CCSER1: variants seen among roughly 807,000 people sequenced by gnomAD.
CCSER1 encodes coiled-coil serine rich protein 1, also known as serine-rich coiled-coil domain-containing protein 1.
A neutral mutation model predicts 82.0 loss-of-function variants in CCSER1; 41 were observed. The observed-to-expected ratio is 0.50, with a 90% CI of 0.39 to 0.65. CCSER1 has a LOEUF of 0.65. CCSER1 is among the 30% of genes least tolerant of loss of function. CCSER1 has a pLI of 0.00. For synonymous variants in CCSER1, 414 were observed against 383.9 expected, an observed-to-expected ratio of 1.08 and a Z score of -0.92; for missense variants, 1,119 against 1,064.2, an observed-to-expected ratio of 1.05 and a Z score of -0.72.
chr4:90,727,978 G>A (rs1743974038), intron 7 of CCSER1, among the ~76,000 whole-genome samples: 1 of 152,032 alleles, frequency 6.6e-6, no homozygotes, highest in African/African-American at 2.4e-5. Context: ...TTGAACTTCT[G>A]AAGACTTTTG....
At chr4:90,414,852 C>T (rs997352282) in intron 4 of CCSER1, among the ~76,000 whole-genome samples, 10 of 152,048 alleles carry the variant, frequency 6.6e-5, no homozygotes, top group Admixed American at 3.3e-4. Flanking sequence ...AGGAAAAATA[C>T]CAGCAATACA....
intron 1 of CCSER1, among the ~76,000 whole-genome samples, chr4:90,205,639 G>A (rs1441417602): frequency 1.3e-5 from 2 of 152,150 alleles, no homozygotes; most frequent in Non-Finnish European, 1.5e-5. Flanking sequence ...GTTCATCAGG[G>A]ATATTGGCCT....
chr4:90,631,672 C>G (rs1305577957), intron 6 of CCSER1, among the ~76,000 whole-genome samples: 2 of 151,980 alleles, frequency 1.3e-5, no homozygotes, highest in African/African-American at 4.8e-5. Flanking sequence ...AAAATAATTC[C>G]TTGGAAAGTT....
intron 10 of CCSER1, among the ~76,000 whole-genome samples, chr4:91,473,231 T>TAA (rs1344164274): frequency 6.6e-6 from 1 of 152,152 alleles, no homozygotes; most frequent in Admixed American, 6.6e-5. Flanking sequence ...AAAGATAACA[T>TAA]AAAAGTCCAT....
chr4:91,522,048 A>C (rs1760501688), intron 10 of CCSER1, among the ~76,000 whole-genome samples: 1 of 152,112 alleles, frequency 6.6e-6, no homozygotes, highest in Non-Finnish European at 1.5e-5. Flanking sequence ...ATCTTGAATT[A>C]ATTTTTGTAT....
intron 10 of CCSER1, among the ~76,000 whole-genome samples, chr4:91,550,383 C>T (rs1342681016): frequency 6.6e-6 from 1 of 152,148 alleles, no homozygotes; most frequent in Non-Finnish European, 1.5e-5. Context: ...TCCAGCAATT[C>T]ATCAATTACA....
chr4:90,189,408 C>G (rs1735207938), intron 1 of CCSER1, among the ~76,000 whole-genome samples: 2 of 151,910 alleles, frequency 1.3e-5, no homozygotes, highest in African/African-American at 4.8e-5. Context: ...CAGATGACCT[C>G]TCAGTGCCCC....
At chr4:90,586,254 C>A (rs993546997) in intron 5 of CCSER1, among the ~76,000 whole-genome samples, 4 of 152,136 alleles carry the variant, frequency 2.6e-5, no homozygotes, top group Non-Finnish European at 5.9e-5. Flanking sequence ...TTATACCCCC[C>A]CACCCCAGTT....
chr4:90,359,125 A>C (rs575946053), intron 3 of CCSER1, among the ~76,000 whole-genome samples: 3 of 152,298 alleles, frequency 2.0e-5, no homozygotes, highest in Admixed American at 2.0e-4. Flanking sequence ...AGAGATTAAC[A>C]GAAGGGGTGA....
chr4:91,333,782 A>G (rs1398312539), intron 10 of CCSER1, among the ~76,000 whole-genome samples: 1 of 152,088 alleles, frequency 6.6e-6, no homozygotes, highest in African/African-American at 2.4e-5. Flanking sequence ...AGTTAGTACT[A>G]AGTAGGAGCT....
chr4:91,278,418 TAATCATTATATA>T (rs1421872187), intron 10 of CCSER1, among the ~76,000 whole-genome samples: 3 of 152,166 alleles, frequency 2.0e-5, no homozygotes, highest in African/African-American at 7.2e-5. Flanking sequence ...ATTGATCCTT[TAATCATTATATA>T]ATGAGCCTTT....
chr4:90,850,208 T>G (rs1763712267), intron 8 of CCSER1, among the ~76,000 whole-genome samples: 1 of 152,208 alleles, frequency 6.6e-6, no homozygotes, highest in Non-Finnish European at 1.5e-5. Flanking sequence ...TTTCAGAGGA[T>G]GTATGGAAAC....
chr4:91,315,774 G>T (rs1745789120), intron 10 of CCSER1, among the ~76,000 whole-genome samples: 1 of 151,996 alleles, frequency 6.6e-6, no homozygotes, highest in African/African-American at 2.4e-5. Flanking sequence ...AGTTAAGACA[G>T]TAGGCTTCAT....
At chr4:91,304,594 C>T (rs538078270) in intron 10 of CCSER1, among the ~76,000 whole-genome samples, 95 of 152,092 alleles carry the variant, frequency 6.2e-4, no homozygotes, top group Non-Finnish European at 1.1e-3. Flanking sequence ...ACATCACATA[C>T]GTTCCTCTTT....
At chr4:90,462,133 G>T (rs1191600398) in intron 4 of CCSER1, among the ~76,000 whole-genome samples, 1 of 151,646 alleles carries the variant, frequency 6.6e-6, no homozygotes, top group East Asian at 1.9e-4. Flanking sequence ...AATATTTACT[G>T]GTTCAGTAAA....
At chr4:91,356,884 G>T (rs956889035) in intron 10 of CCSER1, among the ~76,000 whole-genome samples, 14 of 152,154 alleles carry the variant, frequency 9.2e-5, no homozygotes, top group African/African-American at 3.1e-4. Flanking sequence ...ATTACTCCAG[G>T]CTGTAGAATC....
intron 6 of CCSER1, among the ~76,000 whole-genome samples, chr4:90,630,282 A>T (rs1724135466): frequency 6.6e-6 from 1 of 152,224 alleles, no homozygotes; most frequent in Non-Finnish European, 1.5e-5. Flanking sequence ...ACTAGTCTCA[A>T]CTATTCAGCT....
chr4:91,039,388 A>G (rs1259498424), intron 9 of CCSER1, among the ~76,000 whole-genome samples: 1 of 152,128 alleles, frequency 6.6e-6, no homozygotes, highest in Admixed American at 6.6e-5. Flanking sequence ...GTTCTGTGAA[A>G]AAGTTATAGT....
intron 3 of CCSER1, 124 bp from the exon 4 acceptor site, chr4:90,399,912 A>C (rs539316300): frequency 8.2e-5 from 42 of 513,458 alleles, no homozygotes; most frequent in Non-Finnish European, 1.3e-4. Context: ...ATGATTTCTG[A>C]GACTCAGTTA....
Sources: gnomAD v4.1 joint callset for allele counts (sites outside exome capture counted in the v4.1 genomes callset) on GRCh38, gnomAD v4.1.1 for gene constraint, MANE v1.5 for transcripts, NCBI Gene and HGNC (gene_info 2026-07-23, HGNC 2026-07-21) for gene names.